The following ANO7 variants were observed in gnomAD, a reference collection of about 807,000 sequenced individuals.
ANO7 encodes the protein anoctamin-7.
ANO7 carries 114 observed loss-of-function variants against 115.8 expected under a neutral mutation model. That is an observed-to-expected ratio of 0.98 (90% CI 0.85 to 1.15). ANO7 has a LOEUF of 1.15. Ranked by LOEUF, ANO7 falls within the 50% of genes most tolerant of loss-of-function variation. The probability of loss-of-function intolerance (pLI) is 0.00; values close to 1 mark genes in which losing one functional copy is unlikely to be tolerated. For synonymous variants in ANO7, 550 were observed against 498.2 expected, an observed-to-expected ratio of 1.10 and a Z score of -1.38; for missense variants, 1,302 against 1,201.2, an observed-to-expected ratio of 1.08 and a Z score of -1.24.
intron 21 of ANO7, among the ~76,000 whole-genome samples, chr2:241,222,221 G>A (rs1000965782): frequency 9.6e-5 from 14 of 146,404 alleles, no homozygotes; most frequent in Non-Finnish European, 1.6e-4. Context: ...GCAACAGAGC[G>A]AGACTCTGTC....
At chr2:241,210,650 ACT>A in intron 15 of ANO7, 80 bp downstream of exon 15, 1 of 1,113,764 alleles carries the variant, frequency 9.0e-7, no homozygotes, top group Non-Finnish European at 1.4e-6. Flanking sequence ...TTTCTCACTC[ACT>A]GACACACATG....
At chr2:241,214,679 C>T in intron 17 of ANO7, 126 bp from the exon 18 acceptor site, 2 of 778,206 alleles carry the variant, frequency 2.6e-6, no homozygotes, top group Non-Finnish European at 4.2e-6. Flanking sequence ...TGCAACCCTC[C>T]AGGTGCCCAA....
chr2:241,240,157 C>T, the ANO7 span: 2 of 1,599,746 alleles, frequency 1.3e-6, no homozygotes, highest in South Asian at 1.1e-5. This position sits in a 1 kb window ranked among gnomAD's most constrained non-coding sequence, Gnocchi z 5.5. Context: ...TAGCCTGACA[C>T]CACGTGCCTG....
At chr2:241,236,126 A>G in the ANO7 span, 906 of 195,636 alleles carry the variant, frequency 4.6e-3, 3 homozygotes, top group Non-Finnish European at 6.6e-3. Flanking sequence ...GCCACAGGAT[A>G]TATCTGCGTT....
downstream of ANO7, chr2:241,229,785 C>CG: frequency 1.8e-5 from 9 of 505,740 alleles, no homozygotes; most frequent in Non-Finnish European, 3.1e-5. Context: ...AGCCCGCCTG[C>CG]CCGCCCACCC....
At chr2:241,232,425 G>A in the ANO7 span, among the ~76,000 whole-genome samples, 1 of 152,058 alleles carries the variant, frequency 6.6e-6, no homozygotes, top group Non-Finnish European at 1.5e-5. Flanking sequence ...ACAGGTGCAC[G>A]CGACCACGCC....
intron 8 of ANO7, among the ~76,000 whole-genome samples, chr2:241,202,549 C>G (rs138663807): frequency 6.6e-6 from 1 of 152,220 alleles, no homozygotes; most frequent in Non-Finnish European, 1.5e-5. Flanking sequence ...GGGAACAGGC[C>G]GGTCCCTGGG....
chr2:241,203,318 G>T lies in ANO7; in HGVS notation c.724-15G>T, dbSNP rs1574771218. ...AGCTGGGGGAGCCTCCCACCCACAG[G>T]CCGCTCGCCCCCAGGGCCCCTTCAA... is the stretch of plus-strand genomic sequence containing the variant. On this transcript the variant is annotated splice_polypyrimidine_tract_variant and intron_variant, in intron 8 of 24. Transcript: ENST00000674324. This position sits in a 1 kb window ranked among gnomAD's most constrained non-coding sequence, Gnocchi z 4.8. 2.0e-6 allele frequency: 3 copies of T among 1,509,044 alleles called. No homozygotes were observed. Among genetic ancestry groups the T allele is most frequent in the South Asian group, 2.6e-5 (2 of 75,974 alleles). 93.5% of individuals were successfully genotyped at this position (1,509,044 alleles called of 1,614,324 possible).
At chr2:241,228,726 G>A, downstream of ANO7, 1 of 153,196 alleles carries the variant, frequency 6.5e-6, no homozygotes, top group Non-Finnish European at 1.5e-5. Context: ...AGCAGCTAGG[G>A]CAGGGGCAGG....
intron 4 of ANO7, 143 bp from the exon 5 acceptor site, chr2:241,199,173 T>C: frequency 4.1e-6 from 3 of 729,144 alleles, no homozygotes; most frequent in South Asian, 1.7e-5. Flanking sequence ...GTAGGTGTCA[T>C]GTATCAAATA....
At chr2:241,217,559 TGG>T in intron 19 of ANO7, 125 bp from the exon 20 acceptor site, 1 of 1,080,554 alleles carries the variant, frequency 9.3e-7, no homozygotes, top group Non-Finnish European at 1.3e-6. Context: ...GACCAGGAGG[TGG>T]GGGCGGAATG....
At position 241,209,478 on chromosome 2, in the gene ANO7, G is replaced by A; in HGVS notation, c.1222-20G>A. 6.3e-7 allele frequency: 1 copy of A among 1,599,776 alleles called. No individual in the cohort carries two copies. Among genetic ancestry groups the A allele is most frequent in the Non-Finnish European group, 8.5e-7 (1 of 1,173,628 alleles). On this transcript the variant is annotated intron_variant, in intron 12 of 24. Coordinates refer to ENST00000674324, the MANE Select transcript of ANO7 (RefSeq NM_001370694.2). ...GTCACACCCGGCGAGGGCCGCCACTGAGCACCGGCTCCCTTCCAGGAGAGG... is the reference window on the plus strand; with the variant it reads ...GTCACACCCGGCGAGGGCCGCCACTAAGCACCGGCTCCCTTCCAGGAGAGG...
the ANO7 span, chr2:241,236,279 G>C: frequency 3.0e-6 from 1 of 329,280 alleles, no homozygotes; most frequent in Non-Finnish European, 5.7e-6. Context: ...CCACTCACGC[G>C]GGGGGAGACG....
chr2:241,199,704 G>C (rs574085558), intron 5 of ANO7, among the ~76,000 whole-genome samples: 1 of 152,348 alleles, frequency 6.6e-6, no homozygotes, highest in East Asian at 1.9e-4. Flanking sequence ...CACCTGCTGA[G>C]GGCCCTGCCT....
Position 241,216,311 on chromosome 2 carries a change from C to T in ANO7, c.1972+73C>T, listed in dbSNP as rs546663890. The T allele has an allele frequency of 3.6e-5, 53 of 1,459,748 alleles. No homozygotes were observed. In the African/African-American group the frequency reaches 7.1e-4, roughly 20 times the overall value. 90.4% of individuals were successfully genotyped at this position (1,459,748 alleles called of 1,614,324 possible). A position where few individuals can be genotyped will look rare whatever the true frequency, so the allele number is the denominator to read the frequency against. ...GATGGGTGGCCACTCTGCTCAAGGG[C>T]CTCCCAGCCTGACATTCCTGTGTCT... On this transcript the variant is annotated intron_variant, in intron 19 of 24. Transcript: ENST00000674324.
At chr2:241,229,699 G>T, downstream of ANO7, 1 of 1,613,936 alleles carries the variant, frequency 6.2e-7, no homozygotes, top group Non-Finnish European at 8.5e-7. Context: ...TGTGCAGAGA[G>T]AGGACACGGC....
chr2:241,237,492 G>T, the ANO7 span, among the ~76,000 whole-genome samples: 1 of 152,204 alleles, frequency 6.6e-6, no homozygotes, highest in African/African-American at 2.4e-5. Flanking sequence ...ATGAGCAGGA[G>T]ACCAGACAGA....
chr2:241,220,477 ATTTGAGGT>A (rs1411954952), intron 21 of ANO7, among the ~76,000 whole-genome samples: 1 of 151,940 alleles, frequency 6.6e-6, no homozygotes, highest in Non-Finnish European at 1.5e-5. Flanking sequence ...CAGGTGGATC[ATTTGAGGT>A]CAGGAGTTCG....
intron 11 of ANO7, among the ~76,000 whole-genome samples, chr2:241,208,504 G>A (rs2068639227): frequency 6.6e-6 from 1 of 152,204 alleles, no homozygotes; most frequent in East Asian, 1.9e-4. Flanking sequence ...TTTGTCCAGA[G>A]TACTCTCATC....
Sources: allele counts gnomAD v4.1 joint callset (sites outside exome capture counted in the v4.1 genomes callset), GRCh38; gene constraint gnomAD v4.1.1; non-coding constraint Gnocchi (gnomAD v3.1); transcripts MANE v1.5; gene names NCBI Gene and HGNC (gene_info 2026-07-23, HGNC 2026-07-21).